Variants in COBL observed in about 807,000 individuals in gnomAD.
COBL encodes the protein protein cordon-bleu.
COBL carries 51 observed loss-of-function variants against 98.8 expected under a neutral mutation model. That is an observed-to-expected ratio of 0.52 (90% CI 0.41 to 0.65). The LOEUF is 0.65. COBL is among the 30% of genes least tolerant of loss of function. The pLI, the probability that COBL is intolerant of heterozygous loss-of-function variation, is 0.00. For synonymous variants in COBL, 634 were observed against 651.7 expected (o/e 0.97, Z 0.41); for missense variants, 1,617 against 1,617.5 (o/e 1.00, Z 0.01).
rs141982035 is a variant in COBL at position 51,197,447 on chromosome 7, G to A, written c.246-3858C>T. Among the ~76,000 whole-genome samples the A allele has an allele frequency of 3.1e-4, 47 of 152,090 alleles. No homozygotes were observed. The East Asian group carries it at 8.3e-3, about 27-fold the overall frequency. ...GTCTTTTATTTCTGATTATGTGATC[G>A]ATTTTAGAGTATAAGCCATGTGGCA... On this transcript the variant is annotated intron_variant, in intron 2 of 12. Coordinates refer to ENST00000265136, the MANE Select transcript of COBL (RefSeq NM_015198.5).
In COBL at chr7:51,143,187, G is replaced by A. The variant is rs572776063; in HGVS notation, c.784-6856C>T. On this transcript the variant is annotated intron_variant, in intron 5 of 12. Transcript: ENST00000265136. Reference sequence around the variant, plus strand: ...AGCATCAGGGAAAGGATGTTCACAGGGCATGCCTCAATCTGCATGCGTGTG... The same window carrying A: ...AGCATCAGGGAAAGGATGTTCACAGAGCATGCCTCAATCTGCATGCGTGTG... Among the ~76,000 whole-genome samples the A allele has an allele frequency of 6.6e-5, 10 of 152,220 alleles. No homozygotes were observed. In the South Asian group the frequency reaches 2.1e-3, roughly 32 times the overall value.
intron 5 of COBL, among the ~76,000 whole-genome samples, chr7:51,174,325 C>G (rs943214293): frequency 2.6e-5 from 4 of 152,108 alleles, no homozygotes; most frequent in Non-Finnish European, 5.9e-5. Flanking sequence ...CTAAATGAGG[C>G]TGCATTTAGC....
intron 6 of COBL, among the ~76,000 whole-genome samples, chr7:51,086,967 A>G (rs1394857433): frequency 6.6e-6 from 1 of 151,072 alleles, no homozygotes; most frequent in Non-Finnish European, 1.5e-5. Flanking sequence ...CCCCCTCTCC[A>G]GCAGTAAGCA....
intron 7 of COBL, among the ~76,000 whole-genome samples, chr7:51,078,946 C>G (rs189563103): frequency 6.6e-6 from 1 of 152,184 alleles, no homozygotes; most frequent in African/African-American, 2.4e-5. Flanking sequence ...AGCAAGTGAG[C>G]GAGGGTGCCC....
intron 2 of COBL, among the ~76,000 whole-genome samples, chr7:51,196,768 G>C (rs1790635661): frequency 1.3e-5 from 2 of 151,824 alleles, no homozygotes; most frequent in Admixed American, 1.3e-4. Flanking sequence ...GTGTGTGTGT[G>C]TCCAGGAATT....
chr7:51,231,278 G>C (rs1274569150), intron 1 of COBL, among the ~76,000 whole-genome samples: 1 of 152,190 alleles, frequency 6.6e-6, no homozygotes, highest in Non-Finnish European at 1.5e-5. Flanking sequence ...GGAAACCCCA[G>C]TGTGCTTCCC....
At chr7:51,181,827 G>A (rs1563005062) in intron 5 of COBL, among the ~76,000 whole-genome samples, 2 of 151,842 alleles carry the variant, frequency 1.3e-5, no homozygotes, top group African/African-American at 2.4e-5. Flanking sequence ...CACTGACTGC[G>A]CCTTCACTGC....
intron 1 of COBL, among the ~76,000 whole-genome samples, chr7:51,258,180 AT>A (rs1436367514): frequency 6.6e-6 from 1 of 152,242 alleles, no homozygotes; most frequent in African/African-American, 2.4e-5. Flanking sequence ...TTAAAAGTGT[AT>A]AACTCTTCAA....
chr7:51,265,623 C>T (rs1356630452), intron 1 of COBL, among the ~76,000 whole-genome samples: 1 of 152,214 alleles, frequency 6.6e-6, no homozygotes, highest in Non-Finnish European at 1.5e-5. Context: ...CAGGAGAAAG[C>T]CCTGGATGAT....
At chr7:51,162,742 A>ATAG (rs1250854965) in intron 5 of COBL, among the ~76,000 whole-genome samples, 1 of 152,248 alleles carries the variant, frequency 6.6e-6, no homozygotes, top group East Asian at 1.9e-4. Context: ...GAAAGTGAAG[A>ATAG]TAGGTTCTGC....
intron 6 of COBL, among the ~76,000 whole-genome samples, chr7:51,134,662 C>T (rs748171081): frequency 6.6e-6 from 1 of 152,184 alleles, no homozygotes; most frequent in Non-Finnish European, 1.5e-5. Flanking sequence ...AGAAACCTAT[C>T]CTAAGCCAAA....
At chr7:51,086,162 A>G (rs1794218151) in intron 6 of COBL, among the ~76,000 whole-genome samples, 1 of 152,092 alleles carries the variant, frequency 6.6e-6, no homozygotes. Context: ...AAATTCATTG[A>G]TTAAAGAACA....
intron 1 of COBL, among the ~76,000 whole-genome samples, chr7:51,250,803 T>A (rs1157946758): frequency 6.6e-6 from 1 of 152,186 alleles, no homozygotes; most frequent in African/African-American, 2.4e-5. Flanking sequence ...GACAATGGGC[T>A]GGATTTCAGT....
At chr7:51,294,331 A>AATAAAT (rs1157898470) in intron 1 of COBL, among the ~76,000 whole-genome samples, 2 of 130,014 alleles carry the variant, frequency 1.5e-5, no homozygotes, top group South Asian at 2.4e-4. Flanking sequence ...TAAATAAATA[A>AATAAAT]AAATAAATAA....
chr7:51,060,422 T>A (rs911229372), intron 7 of COBL, among the ~76,000 whole-genome samples: 6 of 152,206 alleles, frequency 3.9e-5, no homozygotes, highest in Non-Finnish European at 8.8e-5. Flanking sequence ...GCAATGAGCC[T>A]GTGCATGGAA....
chr7:51,097,351 T>C (rs1795358648), intron 6 of COBL, among the ~76,000 whole-genome samples: 2 of 152,162 alleles, frequency 1.3e-5, no homozygotes, highest in South Asian at 4.1e-4. Flanking sequence ...TCATACTCAA[T>C]TGTGAAAAAC....
At chr7:51,068,353 A>C (rs1792169456) in intron 7 of COBL, among the ~76,000 whole-genome samples, 1 of 151,998 alleles carries the variant, frequency 6.6e-6, no homozygotes, top group South Asian at 2.1e-4. Flanking sequence ...CAGATCAAAT[A>C]CTCGCTTTAT....
chr7:51,241,343 A>T (rs1271725206), intron 1 of COBL, among the ~76,000 whole-genome samples: 1 of 152,196 alleles, frequency 6.6e-6, no homozygotes, highest in African/African-American at 2.4e-5. Context: ...GTTATTCATG[A>T]CAACAATTCA....
chr7:51,255,170 A>G (rs1228078823), intron 1 of COBL, among the ~76,000 whole-genome samples: 2 of 152,216 alleles, frequency 1.3e-5, no homozygotes, highest in Admixed American at 6.5e-5. Context: ...GTATAAACAA[A>G]CATTTAAAAT....
Sources: gnomAD v4.1 joint callset for allele counts (sites outside exome capture counted in the v4.1 genomes callset) on GRCh38, gnomAD v4.1.1 for gene constraint, MANE v1.5 for transcripts, NCBI Gene and HGNC (gene_info 2026-07-23, HGNC 2026-07-21) for gene names.